Variants in PTPRT observed in about 807,000 individuals in gnomAD.
PTPRT encodes the protein protein tyrosine phosphatase receptor type T, also known as receptor-type tyrosine-protein phosphatase T.
PTPRT carries 56 observed loss-of-function variants against 176.8 expected under a neutral mutation model. The observed-to-expected ratio is 0.32, with a 90% CI of 0.26 to 0.40. The LOEUF is 0.40. Ranked by LOEUF, PTPRT falls within the 10% of genes least tolerant of loss-of-function variation. The probability of loss-of-function intolerance (pLI) is 1.00; values close to 1 mark genes in which losing one functional copy is unlikely to be tolerated. For synonymous variants in PTPRT, 783 were observed against 739.0 expected, an observed-to-expected ratio of 1.06 and a Z score of -0.96; for missense variants, 1,540 against 1,908.2, an observed-to-expected ratio of 0.81 and a Z score of 3.60.
intron 8 of PTPRT, among the ~76,000 whole-genome samples, chr20:42,463,742 T>A (rs190495765): frequency 1.3e-3 from 190 of 151,774 alleles, no homozygotes; most frequent in African/African-American, 4.5e-3. Context: ...TCAACAGGAG[T>A]TTCCCTTGAT....
chr20:42,592,560 C>G (rs1321563013), intron 7 of PTPRT, among the ~76,000 whole-genome samples: 1 of 152,164 alleles, frequency 6.6e-6, no homozygotes, highest in Admixed American at 6.5e-5. Context: ...TCCCTAAACA[C>G]AGTGAAGCTT....
intron 18 of PTPRT, among the ~76,000 whole-genome samples, chr20:42,138,315 C>T (rs1344378073): frequency 1.3e-5 from 2 of 152,202 alleles, no homozygotes; most frequent in African/African-American, 4.8e-5. Flanking sequence ...GAGGTACTTA[C>T]TCCTCCAGCA....
At chr20:43,178,459 T>C (rs2015172451) in intron 1 of PTPRT, among the ~76,000 whole-genome samples, 1 of 151,938 alleles carries the variant, frequency 6.6e-6, no homozygotes, top group Non-Finnish European at 1.5e-5. Context: ...ACACTTTCTA[T>C]TTAAAAAGGT....
chr20:43,074,798 T>C (rs988833003), intron 1 of PTPRT, among the ~76,000 whole-genome samples: 15 of 152,236 alleles, frequency 9.9e-5, no homozygotes, highest in Admixed American at 9.2e-4. Flanking sequence ...TTTAGGTTCA[T>C]GGGTCAAACA....
At chr20:42,345,380 C>CACACAT (rs1289007774) in intron 11 of PTPRT, among the ~76,000 whole-genome samples, 2 of 148,728 alleles carry the variant, frequency 1.3e-5, no homozygotes, top group African/African-American at 2.5e-5. Context: ...CACACACACA[C>CACACAT]ACACACACAC....
intron 7 of PTPRT, among the ~76,000 whole-genome samples, 172 bp downstream of exon 7, chr20:42,677,694 A>C (rs2075529907): frequency 6.6e-6 from 1 of 152,116 alleles, no homozygotes; most frequent in South Asian, 2.1e-4. Context: ...TCCTCTAAAA[A>C]ACAAACAAAC....
intron 7 of PTPRT, 81 bp from the exon 8 acceptor site, chr20:42,472,643 A>G: frequency 7.1e-7 from 1 of 1,408,512 alleles, no homozygotes; most frequent in Non-Finnish European, 9.6e-7. Flanking sequence ...ACAACAGGGA[A>G]CACAGCTTTT....
chr20:42,173,943 C>T (rs1990178469), intron 16 of PTPRT, among the ~76,000 whole-genome samples: 1 of 151,968 alleles, frequency 6.6e-6, no homozygotes, highest in Non-Finnish European at 1.5e-5. Flanking sequence ...AGAAGAATAA[C>T]CCATAAATAG....
At chr20:42,356,564 T>C (rs1333442949) in intron 9 of PTPRT, among the ~76,000 whole-genome samples, 1 of 151,838 alleles carries the variant, frequency 6.6e-6, no homozygotes, top group Non-Finnish European at 1.5e-5. Flanking sequence ...GGTGTGGTGG[T>C]GCATGCCTGT....
intron 7 of PTPRT, among the ~76,000 whole-genome samples, chr20:42,643,518 C>T (rs956954730): frequency 2.6e-5 from 4 of 151,854 alleles, no homozygotes; most frequent in Admixed American, 6.6e-5. Flanking sequence ...GGTTTTGCTA[C>T]GTTGCCCATG....
chr20:43,093,521 C>T (rs2011974533), intron 1 of PTPRT, among the ~76,000 whole-genome samples: 1 of 152,220 alleles, frequency 6.6e-6, no homozygotes, highest in South Asian at 2.1e-4. Flanking sequence ...TGTGAATGCA[C>T]AGGTGTATGC....
chr20:42,498,066 AC>A (rs2071686279), intron 7 of PTPRT, among the ~76,000 whole-genome samples: 1 of 152,138 alleles, frequency 6.6e-6, no homozygotes, highest in African/African-American at 2.4e-5. Flanking sequence ...TATGGGTATC[AC>A]GGTGTTTTTC....
At chr20:43,187,810 A>G (rs2015431468) in intron 1 of PTPRT, among the ~76,000 whole-genome samples, 1 of 152,198 alleles carries the variant, frequency 6.6e-6, no homozygotes, top group Admixed American at 6.5e-5. Context: ...ACTTCTCTAA[A>G]TGTTTTAACA....
At chr20:42,412,108 A>C (rs1271730041) in intron 9 of PTPRT, among the ~76,000 whole-genome samples, 1 of 152,150 alleles carries the variant, frequency 6.6e-6, no homozygotes, top group Non-Finnish European at 1.5e-5. Flanking sequence ...GGGCACTGTC[A>C]AAAAGATAAA....
chr20:42,277,606 A>G (rs536510423), intron 13 of PTPRT, among the ~76,000 whole-genome samples: 2 of 152,336 alleles, frequency 1.3e-5, no homozygotes, highest in East Asian at 1.9e-4. Context: ...GGGCAGAAAA[A>G]TAATAGGGAG....
At chr20:42,501,328 ACATTTATT>A (rs982677599) in intron 7 of PTPRT, among the ~76,000 whole-genome samples, 28 of 152,174 alleles carry the variant, frequency 1.8e-4, no homozygotes, top group African/African-American at 6.8e-4. Flanking sequence ...TGAATATCCC[ACATTTATT>A]CATTTATTCT....
chr20:43,008,294 C>T (rs1208097444), intron 1 of PTPRT, among the ~76,000 whole-genome samples: 3 of 152,118 alleles, frequency 2.0e-5, no homozygotes, highest in African/African-American at 7.2e-5. Flanking sequence ...CCCCTTCCAC[C>T]ATGTGAAGCT....
chr20:42,757,052 TAAAAAA>T (rs554308907), intron 5 of PTPRT, among the ~76,000 whole-genome samples: 1 of 118,612 alleles, frequency 8.4e-6, no homozygotes, highest in African/African-American at 3.0e-5. Context: ...CCTGCCTCTT[TAAAAAA>T]AAAAAAAAAA....
intron 7 of PTPRT, among the ~76,000 whole-genome samples, chr20:42,595,564 TTGCAGGACC>T (rs1263777273): frequency 6.6e-6 from 1 of 152,182 alleles, no homozygotes; most frequent in Non-Finnish European, 1.5e-5. Flanking sequence ...AGAGAGATAC[TTGCAGGACC>T]TCAGCTTTGT....
Sources: gnomAD v4.1 joint callset for allele counts (sites outside exome capture counted in the v4.1 genomes callset) on GRCh38, gnomAD v4.1.1 for gene constraint, MANE v1.5 for transcripts, NCBI Gene and HGNC (gene_info 2026-07-23, HGNC 2026-07-21) for gene names.